Variants in SNRPN observed in about 807,000 individuals in gnomAD.
The protein encoded by SNRPN is small nuclear ribonucleoprotein-associated protein N.
In SNRPN, 7 loss-of-function variants were observed where a neutral mutation model predicts 25.2. The observed-to-expected ratio is 0.28, with a 90% confidence interval of 0.16 to 0.52. SNRPN has a LOEUF of 0.52. SNRPN is among the 20% of genes least tolerant of loss of function. SNRPN has a pLI of 0.96. For missense variants in SNRPN, 196 were observed against 322.5 expected (o/e 0.61, Z 3.00); for synonymous variants, 124 against 110.6 (o/e 1.12, Z -0.76).
intron 1 of SNRPN, among the ~76,000 whole-genome samples, chr15:24,829,396 G>A (rs1036778491): frequency 3.9e-5 from 6 of 152,074 alleles, no homozygotes; most frequent in South Asian, 2.1e-4. Flanking sequence ...CAGGGAAAGC[G>A]AGGAGGAAAC....
intron 2 of SNRPN, among the ~76,000 whole-genome samples, chr15:24,898,258 C>T (rs746421487): frequency 6.6e-6 from 1 of 152,194 alleles, no homozygotes; most frequent in Admixed American, 6.5e-5. Context: ...CAGTTCACAT[C>T]ATGTAGGTCA....
At position 24,975,388 on chromosome 15, in the gene SNRPN, C is replaced by T; in HGVS notation, c.34C>T (p.His12Tyr). ...TGGCAAGAGTAGCAAGATGCTGCAG[C>T]ACATTGACTATAGAATGAGATGTAT... ...TVGKSSKMLQHIDYRMRCILQ... is the reference protein window; with the variant it reads ...TVGKSSKMLQYIDYRMRCILQ... The change falls in exon 5 of 10, where the codon CAC (histidine) becomes TAC (tyrosine). Residue 12 changes from histidine to tyrosine, a missense_variant. Physicochemically the swap from His to Tyr is moderately conservative, Grantham distance 83 (BLOSUM62 2). Transcript: ENST00000390687. 1.2e-6 allele frequency: 2 copies of T among 1,613,550 alleles called. No individual in the cohort carries two copies. Among genetic ancestry groups the T allele is most frequent in the Non-Finnish European group, 1.7e-6 (2 of 1,179,532 alleles).
chr15:24,963,181 A>T (rs562096431), intron 2 of SNRPN, among the ~76,000 whole-genome samples: 1 of 152,360 alleles, frequency 6.6e-6, no homozygotes, highest in African/African-American at 2.4e-5. Flanking sequence ...TGATCTTTTC[A>T]TATCAGTACA....
chr15:24,861,105 T>C (rs10048019), intron 1 of SNRPN, among the ~76,000 whole-genome samples: 71,805 of 151,982 alleles, frequency 0.47, 17,494 homozygotes, highest in East Asian at 0.55. Context: ...TGAGACCCCA[T>C]CTCAAAAGCA....
chr15:24,860,332 G>C (rs1220535156), intron 1 of SNRPN, among the ~76,000 whole-genome samples: 1 of 151,636 alleles, frequency 6.6e-6, no homozygotes, highest in Non-Finnish European at 1.5e-5. Context: ...GATACAAACT[G>C]GTATTTATTT....
chr15:24,956,606 G>A (rs2153378088), intron 1 of SNRPN, among the ~76,000 whole-genome samples: 1 of 152,310 alleles, frequency 6.6e-6, no homozygotes, highest in Non-Finnish European at 1.5e-5. Flanking sequence ...GCAGGGGAGC[G>A]AGGGCTTACG....
At chr15:24,944,977 T>G (rs567786301) in intron 3 of SNRPN, among the ~76,000 whole-genome samples, 157 of 152,298 alleles carry the variant, frequency 1.0e-3, no homozygotes, top group East Asian at 5.2e-3. Context: ...AGGTATCTGC[T>G]TTACTCAAAG....
chr15:24,930,900 G>GAA (rs997199848), intron 3 of SNRPN, among the ~76,000 whole-genome samples: 10 of 125,912 alleles, frequency 7.9e-5, no homozygotes, highest in Non-Finnish European at 8.5e-5. Flanking sequence ...GTCTGTCTCA[G>GAA]AAAAAAAAAA....
chr15:24,883,403 C>T (rs570938799), intron 1 of SNRPN, among the ~76,000 whole-genome samples: 1 of 152,292 alleles, frequency 6.6e-6, no homozygotes, highest in South Asian at 2.1e-4. Flanking sequence ...AGGACAGTAG[C>T]CCACAGGGGC....
At chr15:24,942,517 G>A (rs2061614731) in intron 3 of SNRPN, 1 of 152,234 alleles carries the variant, frequency 6.6e-6, no homozygotes, top group Non-Finnish European at 1.5e-5. Context: ...CCTTTGCTAT[G>A]AAGTGAGTTC....
rs2077294937 is a variant in SNRPN at position 24,978,269 on chromosome 15, A to G, written c.636A>G (p.Pro212=). 4 of 1,614,090 alleles carry G rather than the reference A, an allele frequency of 2.5e-6. No homozygotes were observed. The highest frequency in any genetic ancestry group is 3.4e-6 in the Non-Finnish European group (4 of 1,179,988). ...PIGLPPARGT[P]IGMPPPGMRP... is the part of the protein sequence containing the mutation. ...GGCTTCCCCCTGCTCGAGGGACGCC[A>G]ATAGGCATGCCGCCTCCGGGAATGA... is the stretch of plus-strand genomic sequence containing the variant. The change falls in exon 9 of 10, where the codon CCA becomes CCG. Residue 212 remains proline, a synonymous_variant. Transcript: ENST00000390687.
Position 24,866,851 on chromosome 15 carries a change from G to A in SNRPN, c.-579+10135G>A, listed in dbSNP as rs147793761. Among the ~76,000 whole-genome samples the A allele has an allele frequency of 6.3e-3, 955 of 152,126 alleles. 6 individuals are homozygous for A. Among genetic ancestry groups the A allele is most frequent in the Non-Finnish European group, 0.011 (739 of 68,012 alleles). ...GTACTCCAGGTTCAACCATGTTGTC[G>A]CAAATGACAGGATTTCCTTTTTATA... is the stretch of plus-strand genomic sequence containing the variant. On this transcript the variant is annotated intron_variant, in intron 1 of 11. Transcript: ENST00000400097.
At chr15:24,861,928 T>G (rs1307770328) in intron 1 of SNRPN, among the ~76,000 whole-genome samples, 1 of 143,628 alleles carries the variant, frequency 7.0e-6, no homozygotes, top group African/African-American at 2.9e-5. Flanking sequence ...ATCTTGGATA[T>G]CTTAATCGCA....
At chr15:24,951,434 C>T (rs1566944575), upstream of SNRPN, among the ~76,000 whole-genome samples, 1 of 151,570 alleles carries the variant, frequency 6.6e-6, no homozygotes, top group Non-Finnish European at 1.5e-5. Context: ...GCTTATTGGC[C>T]ATTGGTATTT....
intron 3 of SNRPN, among the ~76,000 whole-genome samples, chr15:24,928,988 A>G (rs1446424126): frequency 6.6e-6 from 1 of 151,984 alleles, no homozygotes; most frequent in African/African-American, 2.4e-5. Flanking sequence ...TCTTGTCCCC[A>G]CTATTAAATC....
intron 3 of SNRPN, among the ~76,000 whole-genome samples, chr15:24,944,926 T>C (rs1014044655): frequency 2.6e-5 from 4 of 152,210 alleles, no homozygotes; most frequent in African/African-American, 2.4e-5. Context: ...TTTTCTCTTA[T>C]GGGTTTCAAT....
At chr15:24,921,576 A>G (rs1201774092) in intron 3 of SNRPN, among the ~76,000 whole-genome samples, 16 of 152,152 alleles carry the variant, frequency 1.1e-4, no homozygotes, top group Non-Finnish European at 7.3e-5. Context: ...GCTCCACCCT[A>G]GGAAAGTGAG....
intron 3 of SNRPN, among the ~76,000 whole-genome samples, chr15:24,932,924 C>T (rs925685054): frequency 6.6e-6 from 1 of 152,102 alleles, no homozygotes; most frequent in African/African-American, 2.4e-5. Flanking sequence ...GCTGGGATTA[C>T]AGGCGTGAGC....
At chr15:24,838,900 T>C (rs2051445832) in intron 2 of SNRPN, among the ~76,000 whole-genome samples, 1 of 151,914 alleles carries the variant, frequency 6.6e-6, no homozygotes, top group Non-Finnish European at 1.5e-5. Context: ...AACACTGCCA[T>C]AAAATTAGAG....
Sources: allele counts gnomAD v4.1 joint callset (sites outside exome capture counted in the v4.1 genomes callset), GRCh38; gene constraint gnomAD v4.1.1; transcripts MANE v1.5; gene names NCBI Gene and HGNC (gene_info 2026-07-23, HGNC 2026-07-21).